The following ZBTB7C variants were observed in gnomAD, a reference collection of about 807,000 sequenced individuals.
ZBTB7C encodes the protein zinc finger and BTB domain-containing protein 7C.
Under a neutral mutation model 25.7 loss-of-function variants are expected in ZBTB7C, and 8 were observed. That is an observed-to-expected ratio of 0.31 (90% confidence interval 0.18 to 0.56). The LOEUF (loss-of-function observed/expected upper bound fraction) is 0.56. ZBTB7C is among the 20% of genes least tolerant of loss of function. The probability of loss-of-function intolerance (pLI) is 0.91; values close to 1 mark genes in which losing one functional copy is unlikely to be tolerated. For synonymous variants in ZBTB7C, 394 were observed against 369.0 expected, an observed-to-expected ratio of 1.07 and a Z score of -0.78; for missense variants, 824 against 855.2, an observed-to-expected ratio of 0.96 and a Z score of 0.46.
chr18:48,178,747 T>C (rs909196627), intron 3 of ZBTB7C, among the ~76,000 whole-genome samples: 3 of 152,200 alleles, frequency 2.0e-5, no homozygotes, highest in Non-Finnish European at 4.4e-5. Flanking sequence ...AGGCCTTTCA[T>C]GTGGAAGCCT....
chr18:48,290,631 TCTATTGTTGGAGTTGGACCATTAGTCAG>T (rs1332629393), intron 2 of ZBTB7C, among the ~76,000 whole-genome samples: 3 of 152,160 alleles, frequency 2.0e-5, no homozygotes, highest in African/African-American at 7.2e-5. Context: ...GACAACAGGA[TCTATTGTTGGAGTTGGACCATTAGTCAG>T]CTCTGTGCCG....
intron 3 of ZBTB7C, among the ~76,000 whole-genome samples, chr18:48,172,787 G>A (rs1260004030): frequency 3.3e-5 from 5 of 152,210 alleles, no homozygotes; most frequent in African/African-American, 4.8e-5. Context: ...GGGAAGGGCC[G>A]CCTGGTCCTG....
intron 1 of ZBTB7C, among the ~76,000 whole-genome samples, chr18:48,399,150 G>T (rs942296027): frequency 3.3e-5 from 5 of 152,174 alleles, no homozygotes; most frequent in Non-Finnish European, 5.9e-5. Flanking sequence ...TTTGAGTAAA[G>T]AATTTTTTAA....
intron 1 of ZBTB7C, among the ~76,000 whole-genome samples, chr18:48,349,774 C>T (rs2046822544): frequency 1.3e-5 from 2 of 152,146 alleles, no homozygotes; most frequent in African/African-American, 2.4e-5. Context: ...CCACATTTAA[C>T]AGAGGCCATG....
chr18:48,094,920 T>C lies in ZBTB7C; in HGVS notation c.-16-53797A>G, dbSNP rs549584539. 3.3e-5 allele frequency among the ~76,000 whole-genome samples: 5 copies of C among 152,298 alleles called. No individual in the cohort carries two copies. The South Asian group carries it at 1.0e-3, about 32-fold the overall frequency. ...CAGCAGTCAAGGTGATAAAAGGCAGTGTCCAACCATGCTCATATATTAGCT... is the reference window on the plus strand; with the variant it reads ...CAGCAGTCAAGGTGATAAAAGGCAGCGTCCAACCATGCTCATATATTAGCT... On this transcript the variant is annotated intron_variant, in intron 3 of 4. Coordinates refer to ENST00000590800, the MANE Select transcript of ZBTB7C (RefSeq NM_001318841.2).
At chr18:48,349,659 A>G (rs1755390253) in intron 1 of ZBTB7C, among the ~76,000 whole-genome samples, 1 of 152,174 alleles carries the variant, frequency 6.6e-6, no homozygotes, top group Non-Finnish European at 1.5e-5. Context: ...GAGGTGGTAG[A>G]TCCTCCAGCC....
intron 3 of ZBTB7C, among the ~76,000 whole-genome samples, chr18:48,045,009 C>T (rs1195317738): frequency 6.6e-6 from 1 of 152,252 alleles, no homozygotes; most frequent in East Asian, 1.9e-4. Flanking sequence ...CAGCCAATTG[C>T]AGCTCCTGCC....
At position 48,054,225 on chromosome 18, in the gene ZBTB7C, G is replaced by T. The variant is rs543573515; in HGVS notation, c.-16-13102C>A. Reference sequence around the variant, plus strand: ...TTCTGGATAGGAGAAGAATCTCTTGGCGCTGTATTTGAGGAAGGTGTCAGC... The same window carrying T: ...TTCTGGATAGGAGAAGAATCTCTTGTCGCTGTATTTGAGGAAGGTGTCAGC... On this transcript the variant is annotated intron_variant, in intron 3 of 4. Coordinates refer to ENST00000590800, the MANE Select transcript of ZBTB7C (RefSeq NM_001318841.2). Among the ~76,000 whole-genome samples the T allele has an allele frequency of 2.6e-5, 4 of 152,270 alleles. No individual in the cohort carries two copies. The South Asian group carries it at 6.2e-4, about 24-fold the overall frequency.
intron 2 of ZBTB7C, among the ~76,000 whole-genome samples, chr18:48,261,743 G>A (rs541749543): frequency 4.1e-4 from 62 of 152,336 alleles, no homozygotes; most frequent in Middle Eastern, 6.8e-3. Flanking sequence ...AGTGCCAGGT[G>A]GCATCAGCTC....
chr18:48,285,075 C>A (rs2045002210), intron 2 of ZBTB7C, among the ~76,000 whole-genome samples: 3 of 152,184 alleles, frequency 2.0e-5, no homozygotes, highest in Admixed American at 2.0e-4. Flanking sequence ...TTGTTAGTTT[C>A]TATAAATGTA....
chr18:48,029,681 C>T lies in ZBTB7C; in HGVS notation c.1439G>A (p.Gly480Asp), dbSNP rs764494790. 6.3e-7 allele frequency: 1 copy of T among 1,578,826 alleles called. No homozygotes were observed. The highest frequency in any genetic ancestry group is 1.8e-5 in the Admixed American group (1 of 55,342). The change falls in exon 5 of 5, where the codon GGC becomes GAC. Residue 480 changes from glycine to aspartate, a missense_variant. This residue lies in a region of ZBTB7C where 342 missense variants were observed against 307.0 expected (regional missense o/e 1.11). Coordinates refer to ENST00000590800, the MANE Select transcript of ZBTB7C (RefSeq NM_001318841.2). Reference sequence around the variant, plus strand: ...GGCCCTCCACGCAGCAGGCTTGCGGCCGCGTCGGGGCCGTGCCATGCGGCA... The same window carrying T: ...GGCCCTCCACGCAGCAGGCTTGCGGTCGCGTCGGGGCCGTGCCATGCGGCA... ...QSCRMARPRR[G>D]RKPAAWRAAS...
At chr18:48,179,710 A>T (rs1380268469) in intron 3 of ZBTB7C, among the ~76,000 whole-genome samples, 1 of 116,966 alleles carries the variant, frequency 8.5e-6, no homozygotes, top group Non-Finnish European at 1.8e-5. Context: ...CTTCCCTGCG[A>T]GGAAGATATC....
chr18:48,326,328 T>C (rs1407818804), intron 2 of ZBTB7C, among the ~76,000 whole-genome samples: 3 of 152,098 alleles, frequency 2.0e-5, no homozygotes, highest in Admixed American at 6.6e-5. Flanking sequence ...ACCCCTGACC[T>C]CAAGTGATCT....
At chr18:48,337,915 A>C (rs1598901460) in intron 2 of ZBTB7C, among the ~76,000 whole-genome samples, 1 of 152,334 alleles carries the variant, frequency 6.6e-6, no homozygotes, top group East Asian at 1.9e-4. Context: ...TGCTATGTCC[A>C]TAAAGGCATC....
intron 3 of ZBTB7C, among the ~76,000 whole-genome samples, chr18:48,074,680 C>T (rs185952234): frequency 6.6e-6 from 1 of 152,348 alleles, no homozygotes; most frequent in African/African-American, 2.4e-5. Context: ...GTGTTTCCAG[C>T]CCCTACAAAC....
At chr18:48,133,289 G>A (rs1032138116) in intron 3 of ZBTB7C, among the ~76,000 whole-genome samples, 1 of 152,210 alleles carries the variant, frequency 6.6e-6, no homozygotes, top group African/African-American at 2.4e-5. Context: ...GTGGAAGGAG[G>A]CCCACTCTAG....
intron 2 of ZBTB7C, among the ~76,000 whole-genome samples, chr18:48,330,797 T>C (rs1302072045): frequency 2.0e-5 from 3 of 152,068 alleles, no homozygotes; most frequent in African/African-American, 7.2e-5. Context: ...CTGTGAGGGC[T>C]GGGCAGGGGG....
rs573638427 is a variant in ZBTB7C at position 48,288,378 on chromosome 18, G to A, written c.-79+49796C>T. ...TAAACTGCTCAGAGGGCTGGGCACC[G>A]TGGCTCACGCCTGTAATCCCCCACT... On this transcript the variant is annotated intron_variant, in intron 2 of 4. Coordinates refer to ENST00000590800, the MANE Select transcript of ZBTB7C (RefSeq NM_001318841.2). Among the ~76,000 whole-genome samples the A allele has an allele frequency of 1.5e-3, 223 of 152,212 alleles. No homozygotes were observed. The Middle Eastern group carries it at 0.017, about 12-fold the overall frequency.
intron 1 of ZBTB7C, among the ~76,000 whole-genome samples, chr18:48,389,780 C>T (rs2047855422): frequency 6.6e-6 from 1 of 152,104 alleles, no homozygotes; most frequent in South Asian, 2.1e-4. Context: ...GCAACCATGC[C>T]CTGTAAGGCA....
Sources: gnomAD v4.1 joint callset for allele counts (sites outside exome capture counted in the v4.1 genomes callset) on GRCh38, gnomAD v4.1.1 for gene constraint, gnomAD v4.1.1 regional missense constraint, MANE v1.5 for transcripts, NCBI Gene and HGNC (gene_info 2026-07-23, HGNC 2026-07-21) for gene names.